The following PHTF2 variants were observed in gnomAD, a reference collection of about 807,000 sequenced individuals.
The protein encoded by PHTF2 is putative homeodomain transcription factor 2.
Under a neutral mutation model 101.2 loss-of-function variants are expected in PHTF2, and 60 were observed. The ratio of observed to expected loss-of-function variants is 0.59; its 90% confidence interval spans 0.48 to 0.73. The LOEUF (loss-of-function observed/expected upper bound fraction) is 0.73, where lower values mean the gene tolerates loss of function less well. PHTF2 is among the 30% of genes least tolerant of loss of function. The pLI, the probability that PHTF2 is intolerant of heterozygous loss-of-function variation, is 0.00. For synonymous variants in PHTF2, 311 were observed against 307.3 expected (o/e 1.01, Z -0.13); for missense variants, 747 against 908.7 (o/e 0.82, Z 2.29).
intron 9 of PHTF2, among the ~76,000 whole-genome samples, chr7:77,919,339 G>A (rs1257817007): frequency 6.6e-6 from 1 of 152,008 alleles, no homozygotes; most frequent in African/African-American, 2.4e-5. Context: ...CTAACTGAAG[G>A]CAATATACTA....
intron 2 of PHTF2, among the ~76,000 whole-genome samples, chr7:77,843,839 G>T (rs1796069397): frequency 1.3e-5 from 2 of 152,168 alleles, no homozygotes; most frequent in South Asian, 4.1e-4. Context: ...AGGTTAAGAA[G>T]TCCTGGATTA....
At chr7:77,872,542 G>C (rs2150720639) in intron 3 of PHTF2, among the ~76,000 whole-genome samples, 1 of 152,256 alleles carries the variant, frequency 6.6e-6, no homozygotes, top group East Asian at 1.9e-4. Flanking sequence ...CACCCACCTT[G>C]CCTTTGATGG....
intron 2 of PHTF2, among the ~76,000 whole-genome samples, chr7:77,851,362 A>G (rs1796744275): frequency 6.6e-6 from 1 of 151,974 alleles, no homozygotes. Context: ...GAATTTGTCC[A>G]TTTCTTCTAG....
chr7:77,948,692 TCCTC>T (rs1806290819), intron 16 of PHTF2, among the ~76,000 whole-genome samples: 3 of 152,192 alleles, frequency 2.0e-5, no homozygotes, highest in African/African-American at 7.2e-5. Context: ...AACATACTGA[TCCTC>T]CCTAAATATC....
At chr7:77,943,879 A>G (rs2150981661) in intron 16 of PHTF2, among the ~76,000 whole-genome samples, 1 of 152,102 alleles carries the variant, frequency 6.6e-6, no homozygotes, top group South Asian at 2.1e-4. Flanking sequence ...TTAGCCGGGC[A>G]TGGTGGTAGG....
chr7:77,953,438 T>C (rs896670602), intron 18 of PHTF2, among the ~76,000 whole-genome samples: 6 of 152,244 alleles, frequency 3.9e-5, no homozygotes, highest in Non-Finnish European at 8.8e-5. Flanking sequence ...CTAATTGTTC[T>C]ACCGAAAGGT....
intron 7 of PHTF2, 42 bp from the exon 7 acceptor site, chr7:77,908,751 A>T: frequency 7.7e-7 from 1 of 1,302,972 alleles, no homozygotes. Context: ...AGAGGTGACT[A>T]TCAGATCTAT....
intron 1 of PHTF2, among the ~76,000 whole-genome samples, chr7:77,808,889 CT>C (rs936741356): frequency 8.6e-5 from 13 of 151,916 alleles, no homozygotes; most frequent in African/African-American, 3.1e-4. Flanking sequence ...AAATGTTTCA[CT>C]TTTTTTTCTA....
At chr7:77,930,138 G>C (rs570392538) in intron 12 of PHTF2, among the ~76,000 whole-genome samples, 7 of 151,972 alleles carry the variant, frequency 4.6e-5, no homozygotes, top group African/African-American at 1.4e-4. Context: ...GTTATTAGTA[G>C]AGACAGGCTT....
intron 1 of PHTF2, among the ~76,000 whole-genome samples, chr7:77,818,605 C>T (rs1437944050): frequency 6.6e-6 from 1 of 152,118 alleles, no homozygotes; most frequent in African/African-American, 2.4e-5. Flanking sequence ...TATTCTGTTC[C>T]ACTGATCTAT....
chr7:77,919,781 T>A (rs1213529233), intron 9 of PHTF2, among the ~76,000 whole-genome samples: 1 of 152,188 alleles, frequency 6.6e-6, no homozygotes, highest in African/African-American at 2.4e-5. Flanking sequence ...TTTAGAAACT[T>A]ATTTAAAATT....
At chr7:77,848,031 G>A (rs973815935) in intron 2 of PHTF2, among the ~76,000 whole-genome samples, 1 of 152,260 alleles carries the variant, frequency 6.6e-6, no homozygotes, top group Admixed American at 6.5e-5. Context: ...TGTTGCACAT[G>A]TCGGGATCTC....
chr7:77,897,645 T>G (rs1800995011), intron 5 of PHTF2, among the ~76,000 whole-genome samples: 1 of 152,114 alleles, frequency 6.6e-6, no homozygotes, highest in African/African-American at 2.4e-5. Flanking sequence ...CAATTGAAAA[T>G]TTTCCAGTGT....
At chr7:77,813,072 A>G (rs1177349040) in intron 1 of PHTF2, among the ~76,000 whole-genome samples, 1 of 152,124 alleles carries the variant, frequency 6.6e-6, no homozygotes, top group East Asian at 1.9e-4. Flanking sequence ...GATGCATGGT[A>G]TTTATTTATT....
Position 77,884,646 on chromosome 7 carries a change from C to G in PHTF2, c.148-8962C>G, listed in dbSNP as rs140998534. On this transcript the variant is annotated intron_variant, in intron 3 of 19. Transcript: ENST00000416283. ...GCGCAGTGGCTTACCCCTGTAATTTCAGCACTCTGGTAGGCCGAGGCAGGT... is the reference window on the plus strand; with the variant it reads ...GCGCAGTGGCTTACCCCTGTAATTTGAGCACTCTGGTAGGCCGAGGCAGGT... Among the ~76,000 whole-genome samples, 1,095 of 152,298 alleles carry G rather than the reference C, an allele frequency of 7.2e-3. 15 individuals carry two copies. Among genetic ancestry groups the G allele is most frequent in the African/African-American group, 0.025 (1,027 of 41,560 alleles).
intron 1 of PHTF2, among the ~76,000 whole-genome samples, chr7:77,823,184 G>T (rs1384133039): frequency 1.4e-5 from 2 of 148,074 alleles, no homozygotes; most frequent in Non-Finnish European, 3.0e-5. Flanking sequence ...GATTACAGGC[G>T]TGAGCCACCG....
At chr7:77,871,942 A>G (rs1474009342) in intron 3 of PHTF2, among the ~76,000 whole-genome samples, 1 of 152,222 alleles carries the variant, frequency 6.6e-6, no homozygotes, top group East Asian at 1.9e-4. Flanking sequence ...GTAAACCCAT[A>G]TCTGGAGTAA....
chr7:77,902,605 A>G (rs1245457823), intron 7 of PHTF2, among the ~76,000 whole-genome samples: 2 of 152,204 alleles, frequency 1.3e-5, no homozygotes, highest in Non-Finnish European at 2.9e-5. Flanking sequence ...CACAACATGT[A>G]TAACATTGTA....
chr7:77,914,057 C>T (rs1295703330), intron 9 of PHTF2, among the ~76,000 whole-genome samples: 1 of 138,580 alleles, frequency 7.2e-6, no homozygotes, highest in Non-Finnish European at 1.5e-5. Context: ...CAGAGCTGGA[C>T]TCTGTCTCAA....
Sources: allele counts gnomAD v4.1 joint callset (sites outside exome capture counted in the v4.1 genomes callset), GRCh38; gene constraint gnomAD v4.1.1; transcripts MANE v1.5; gene names NCBI Gene and HGNC (gene_info 2026-07-23, HGNC 2026-07-21).